ZDHHC14: variants seen among roughly 807,000 people sequenced by gnomAD.
The protein encoded by ZDHHC14 is palmitoyltransferase ZDHHC14.
In ZDHHC14, 16 loss-of-function variants were observed where a neutral mutation model predicts 47.7. That is an observed-to-expected ratio of 0.34 (90% CI 0.23 to 0.51). ZDHHC14 has a LOEUF of 0.51. ZDHHC14 is among the 20% of genes least tolerant of loss of function. The pLI is 0.97. For synonymous variants in ZDHHC14, 293 were observed against 278.9 expected (o/e 1.05, Z -0.50); for missense variants, 515 against 662.5 (o/e 0.78, Z 2.44).
At chr6:157,449,863 C>T (rs144562862) in intron 1 of ZDHHC14, among the ~76,000 whole-genome samples, 2 of 152,228 alleles carry the variant, frequency 1.3e-5, no homozygotes. Flanking sequence ...ATGGGCTTGA[C>T]GTCAGACAGA....
intron 2 of ZDHHC14, among the ~76,000 whole-genome samples, chr6:157,579,019 G>A (rs1293056359): frequency 6.6e-6 from 1 of 152,016 alleles, no homozygotes; most frequent in Non-Finnish European, 1.5e-5. Flanking sequence ...TTCCAGCTTT[G>A]TTCTTTTTGC....
chr6:157,637,096 A>T (rs1310312972), intron 5 of ZDHHC14, among the ~76,000 whole-genome samples: 1 of 152,196 alleles, frequency 6.6e-6, no homozygotes, highest in Non-Finnish European at 1.5e-5. Context: ...TTTTGAAAAA[A>T]CATTAGTTCT....
chr6:157,483,216 A>G (rs1779675682), intron 1 of ZDHHC14, among the ~76,000 whole-genome samples: 1 of 152,224 alleles, frequency 6.6e-6, no homozygotes, highest in Admixed American at 6.5e-5. Flanking sequence ...TGTTGCACAG[A>G]AGCAAAGTAA....
At chr6:157,492,431 C>CAAAGCGGGAAAGCGGG (rs201912099) in intron 1 of ZDHHC14, among the ~76,000 whole-genome samples, 1 of 151,636 alleles carries the variant, frequency 6.6e-6, no homozygotes, top group Non-Finnish European at 1.5e-5. Flanking sequence ...GGGAAACCGG[C>CAAAGCGGGAAAGCGGG]AAAGCGGGAA....
chr6:157,428,615 G>T (rs1335501579), intron 1 of ZDHHC14, among the ~76,000 whole-genome samples: 2 of 151,142 alleles, frequency 1.3e-5, no homozygotes, highest in African/African-American at 4.9e-5. Context: ...TGCTTAGCGA[G>T]TCCCCCCGCC....
intron 3 of ZDHHC14, among the ~76,000 whole-genome samples, chr6:157,598,650 G>A (rs1784222984): frequency 4.6e-5 from 7 of 152,140 alleles, no homozygotes; most frequent in Admixed American, 4.6e-4. Context: ...TAAAGTAAAG[G>A]TTGTTAGAAA....
chr6:157,447,018 T>C (rs1182432296), intron 1 of ZDHHC14, among the ~76,000 whole-genome samples: 33 of 151,528 alleles, frequency 2.2e-4, no homozygotes, highest in Admixed American at 2.0e-3. Context: ...AGTTGGGAGG[T>C]TGAGGCAGGA....
chr6:157,606,728 C>T (rs531992352), intron 3 of ZDHHC14, among the ~76,000 whole-genome samples: 26 of 152,316 alleles, frequency 1.7e-4, no homozygotes, highest in African/African-American at 5.5e-4. Context: ...TAGTCTCACC[C>T]GCGGTCAAGA....
At chr6:157,454,953 G>A (rs1778879866) in intron 1 of ZDHHC14, among the ~76,000 whole-genome samples, 1 of 152,166 alleles carries the variant, frequency 6.6e-6, no homozygotes, top group Non-Finnish European at 1.5e-5. Context: ...ACAGTCCTGT[G>A]AACAATGCTG....
At chr6:157,589,143 G>A (rs1783810140) in intron 2 of ZDHHC14, among the ~76,000 whole-genome samples, 3 of 152,086 alleles carry the variant, frequency 2.0e-5, no homozygotes, top group Admixed American at 1.3e-4. Context: ...GAGAAAGGAA[G>A]GAAAAGAGGA....
intron 1 of ZDHHC14, among the ~76,000 whole-genome samples, chr6:157,521,937 G>A (rs1031373090): frequency 3.9e-5 from 6 of 152,180 alleles, no homozygotes; most frequent in African/African-American, 1.4e-4. Flanking sequence ...TTAGAAACTC[G>A]AAGGCCATCA....
chr6:157,425,723 TC>T lies in ZDHHC14; in HGVS notation c.245+43461del, dbSNP rs377624055. On this transcript the variant is annotated intron_variant, in intron 1 of 8. Coordinates refer to ENST00000359775, the MANE Select transcript of ZDHHC14 (RefSeq NM_024630.3). ...GTAGAAACTAAAATTCTTGCCTGCA[TC>T]CCCAGCCCCTGGGCCATCCGGTCCC... 3.3e-5 allele frequency among the ~76,000 whole-genome samples: 5 copies of T among 152,272 alleles called. 1 individual carries two copies. The highest frequency in any genetic ancestry group is 1.2e-4 in the African/African-American group (5 of 41,560).
rs1417140910 is a variant in ZDHHC14 at position 157,673,081 on chromosome 6, G to C, written c.1426G>C (p.Glu476Gln). 5 of 1,573,882 alleles carry C rather than the reference G, an allele frequency of 3.2e-6. No homozygotes were observed. Among genetic ancestry groups the C allele is most frequent in the Non-Finnish European group, 4.3e-6 (5 of 1,168,144 alleles). ...CCTGGCCAGCCAGGACTCCCTGCAT[G>C]AGGACTCTGTGCGCGGCCTGGTGAA... ...LGLASQDSLH[E>Q]DSVRGLVKLS... is the part of the protein sequence containing the mutation. The change falls in exon 9 of 9, where the codon GAG (glutamate) becomes CAG (glutamine). Residue 476 changes from glutamate to glutamine, a missense_variant. Physicochemically the swap from Glu to Gln is conservative, Grantham distance 29. This residue lies in a region of ZDHHC14 where 221 missense variants were observed against 233.6 expected (regional missense o/e 0.95). Transcript: ENST00000359775. This position sits in a 1 kb window ranked among gnomAD's most constrained non-coding sequence, Gnocchi z 5.4.
chr6:157,519,291 T>TTATTTA (rs1191404628), intron 1 of ZDHHC14, among the ~76,000 whole-genome samples: 1 of 152,148 alleles, frequency 6.6e-6, no homozygotes, highest in African/African-American at 2.4e-5. Context: ...ATTTATTTTT[T>TTATTTA]TATTTTTATT....
intron 1 of ZDHHC14, among the ~76,000 whole-genome samples, chr6:157,436,660 G>A (rs1328208015): frequency 1.3e-5 from 2 of 152,150 alleles, no homozygotes; most frequent in African/African-American, 4.8e-5. Context: ...AGAGGTCTGC[G>A]GGACTTGGCA....
At chr6:157,405,380 C>T (rs1021577780) in intron 1 of ZDHHC14, among the ~76,000 whole-genome samples, 1 of 152,050 alleles carries the variant, frequency 6.6e-6, no homozygotes, top group East Asian at 1.9e-4. Context: ...CTACAGGCAC[C>T]CGCCACCACG....
intron 1 of ZDHHC14, among the ~76,000 whole-genome samples, chr6:157,441,876 G>T (rs1287390339): frequency 6.6e-6 from 1 of 152,154 alleles, no homozygotes; most frequent in Non-Finnish European, 1.5e-5. Context: ...CTTAGTCCAT[G>T]TGTGTATGTG....
intron 2 of ZDHHC14, among the ~76,000 whole-genome samples, chr6:157,565,204 AC>A (rs1782856455): frequency 6.6e-6 from 1 of 152,178 alleles, no homozygotes; most frequent in Admixed American, 6.5e-5. Flanking sequence ...CCAAGATTGC[AC>A]CACTGCACTC....
chr6:157,423,252 G>A (rs1778145792), intron 1 of ZDHHC14, among the ~76,000 whole-genome samples: 1 of 152,142 alleles, frequency 6.6e-6, no homozygotes, highest in Non-Finnish European at 1.5e-5. Flanking sequence ...CCCACTGGCC[G>A]GATAGTCACA....
Sources: gnomAD v4.1 joint callset for allele counts (sites outside exome capture counted in the v4.1 genomes callset) on GRCh38, gnomAD v4.1.1 for gene constraint, gnomAD v4.1.1 regional missense constraint, Gnocchi (gnomAD v3.1) non-coding constraint, MANE v1.5 for transcripts, NCBI Gene and HGNC (gene_info 2026-07-23, HGNC 2026-07-21) for gene names.